CNTN1: variants seen among roughly 807,000 people sequenced by gnomAD.
The protein encoded by CNTN1 is contactin 1.
CNTN1 carries 38 observed loss-of-function variants against 126.4 expected under a neutral mutation model. The ratio of observed to expected loss-of-function variants is 0.30; its 90% CI spans 0.23 to 0.39. The LOEUF is 0.39. Ranked by LOEUF, CNTN1 falls within the 10% of genes least tolerant of loss-of-function variation. CNTN1 has a pLI of 1.00. For synonymous variants in CNTN1, 413 were observed against 422.6 expected, an observed-to-expected ratio of 0.98 and a Z score of 0.28; for missense variants, 1,009 against 1,248.4, an observed-to-expected ratio of 0.81 and a Z score of 2.89.
rs1396778570 is a variant in CNTN1, at chr12:40,981,036, T to C, written c.1932T>C (p.Ile644=). Residue 644 remains isoleucine, a synonymous_variant, in exon 16 of 24, where the codon ATT becomes ATC. Coordinates refer to ENST00000551295, the MANE Select transcript of CNTN1 (RefSeq NM_001843.4). The part of the protein sequence containing the change: ...ISKYTIQTKT[I]LSDDWKDAKT... ...AATACACTATCCAGACCAAGACTAT[T>C]CTTTCAGATGACTGGAAAGATGCAA... 3.7e-6 allele frequency: 6 copies of C among 1,613,344 alleles called. No homozygotes were observed. The Admixed American group carries it at 1.0e-4, about 27-fold the overall frequency.
intron 1 of CNTN1, among the ~76,000 whole-genome samples, chr12:40,868,398 G>C: frequency 6.6e-6 from 1 of 152,112 alleles, no homozygotes; most frequent in East Asian, 1.9e-4. Flanking sequence ...TGGTAGATGG[G>C]AGCAGAGATT....
At chr12:40,779,479 A>C (rs1467581468) in intron 1 of CNTN1, among the ~76,000 whole-genome samples, 1 of 151,908 alleles carries the variant, frequency 6.6e-6, no homozygotes, top group East Asian at 1.9e-4. Context: ...ATGGAGTAAG[A>C]AAATAAACAG....
chr12:40,752,800 C>T (rs1938455106), intron 1 of CNTN1, among the ~76,000 whole-genome samples: 1 of 152,050 alleles, frequency 6.6e-6, no homozygotes, highest in Admixed American at 6.6e-5. Context: ...TTTATAAAAA[C>T]AGAATTTGTT....
intron 1 of CNTN1, among the ~76,000 whole-genome samples, chr12:40,879,618 A>T (rs2136693209): frequency 6.6e-6 from 1 of 152,278 alleles, no homozygotes; most frequent in Admixed American, 6.5e-5. Context: ...CCTAAAAATA[A>T]GATATGTGTC....
chr12:41,020,759 G>A (rs1948888796), intron 20 of CNTN1, among the ~76,000 whole-genome samples: 1 of 152,144 alleles, frequency 6.6e-6, no homozygotes, highest in South Asian at 2.1e-4. Flanking sequence ...TGAATCTCAA[G>A]TTTTTTGGAA....
At chr12:40,933,206 AT>A (rs567517218) in intron 7 of CNTN1, among the ~76,000 whole-genome samples, 1 of 151,638 alleles carries the variant, frequency 6.6e-6, no homozygotes, top group Non-Finnish European at 1.5e-5. Context: ...TAAAGACAGG[AT>A]TTTTTTTAGT....
intron 1 of CNTN1, among the ~76,000 whole-genome samples, chr12:40,791,705 T>A (rs1940226821): frequency 6.6e-6 from 1 of 152,156 alleles, no homozygotes; most frequent in South Asian, 2.1e-4. Context: ...TAGTAGAAAC[T>A]ACAAGATAAC....
In CNTN1 at chr12:41,025,283, G is replaced by C. The variant is rs1949014571; in HGVS notation, c.2657G>C (p.Ser886Thr). Residue 886 changes from serine (S) to threonine (T), a missense_variant, in exon 21 of 24, where the codon AGT becomes ACT. Transcript: ENST00000551295. ...QYFIEVGACN[S>T]AGCGPPSDMI... ...TTTATAGAAGTCGGGGCCTGCAATA[G>C]TGCAGGGTGTGGACCTCCAAGTGAC... 1 of 1,613,778 alleles carries C rather than the reference G, an allele frequency of 6.2e-7. No homozygotes were observed. Among genetic ancestry groups the C allele is most frequent in the East Asian group, 2.2e-5 (1 of 44,864 alleles).
chr12:40,954,532 G>A (rs1946803132), intron 14 of CNTN1, among the ~76,000 whole-genome samples: 1 of 151,898 alleles, frequency 6.6e-6, no homozygotes, highest in African/African-American at 2.4e-5. Flanking sequence ...TACCTCCTTT[G>A]TTAGATGAAT....
At chr12:40,898,491 T>A (rs1184156241) in intron 1 of CNTN1, among the ~76,000 whole-genome samples, 1 of 152,164 alleles carries the variant, frequency 6.6e-6, no homozygotes, top group African/African-American at 2.4e-5. Flanking sequence ...AACTTATATA[T>A]GTTTCAAATA....
At chr12:41,029,347 A>C in intron 23 of CNTN1, 128 bp downstream of exon 23, 4 of 1,050,934 alleles carry the variant, frequency 3.8e-6, no homozygotes, top group Non-Finnish European at 5.9e-6. Flanking sequence ...TGGACATATC[A>C]AGGATTCCCT....
intron 1 of CNTN1, chr12:40,742,515 T>C (rs1012456507): frequency 2.0e-5 from 3 of 151,894 alleles, no homozygotes; most frequent in African/African-American, 2.4e-5. Flanking sequence ...TTCATCTTTC[T>C]TCTTTAAGTG....
chr12:40,860,327 C>G (rs1450708014), intron 1 of CNTN1, among the ~76,000 whole-genome samples: 1 of 152,060 alleles, frequency 6.6e-6, no homozygotes, highest in African/African-American at 2.4e-5. Flanking sequence ...TGTGTGATGT[C>G]TTCTTTAATA....
At chr12:40,719,534 G>GA (rs1451637498) in intron 1 of CNTN1, among the ~76,000 whole-genome samples, 2 of 152,090 alleles carry the variant, frequency 1.3e-5, no homozygotes, top group East Asian at 3.9e-4. Flanking sequence ...TAGCTTTTAT[G>GA]AAAAAAGAGA....
intron 21 of CNTN1, among the ~76,000 whole-genome samples, chr12:41,026,519 T>G (rs1471325821): frequency 1.3e-5 from 2 of 152,320 alleles, no homozygotes; most frequent in South Asian, 2.1e-4. Flanking sequence ...GAACCCACTA[T>G]GTGAATAGCT....
chr12:41,057,126 T>A (rs1156313235), intron 23 of CNTN1, among the ~76,000 whole-genome samples: 3 of 141,516 alleles, frequency 2.1e-5, no homozygotes, highest in Non-Finnish European at 3.0e-5. Flanking sequence ...TATATTTAGA[T>A]ATTTATAAAT....
intron 1 of CNTN1, among the ~76,000 whole-genome samples, chr12:40,751,987 T>A (rs1938421349): frequency 3.3e-5 from 5 of 152,142 alleles, no homozygotes; most frequent in Admixed American, 3.3e-4. Context: ...TATTCGTATT[T>A]ATCTGAGTTC....
At chr12:40,847,693 T>C (rs1386522179) in intron 1 of CNTN1, among the ~76,000 whole-genome samples, 1 of 152,188 alleles carries the variant, frequency 6.6e-6, no homozygotes, top group Non-Finnish European at 1.5e-5. Context: ...ATTTTACTAG[T>C]TATATCCCAG....
chr12:40,826,282 T>C lies in CNTN1; in HGVS notation c.-76-82075T>C, dbSNP rs187227633. On this transcript the variant is annotated intron_variant, in intron 1 of 23. Transcript: ENST00000551295. ...CTATATATGATTAAATTGATAAAAC[T>C]TCTGTGATTTTTCAAAAAGTCTGAG... Among the ~76,000 whole-genome samples the C allele has an allele frequency of 8.9e-4, 136 of 152,250 alleles. No homozygotes were observed. The Middle Eastern group carries it at 0.01, about 11-fold the overall frequency.
Sources: allele counts gnomAD v4.1 joint callset (sites outside exome capture counted in the v4.1 genomes callset), GRCh38; gene constraint gnomAD v4.1.1; transcripts MANE v1.5; gene names NCBI Gene and HGNC (gene_info 2026-07-23, HGNC 2026-07-21).